Variants in FBXW8 observed in about 807,000 individuals in gnomAD.
The protein encoded by FBXW8 is F-box and WD repeat domain containing 8.
FBXW8 carries 57 observed loss-of-function variants against 65.3 expected under a neutral mutation model. That is an observed-to-expected ratio of 0.87 (90% CI 0.71 to 1.09). The LOEUF is 1.09. Ranked by LOEUF, FBXW8 falls within the 50% of genes least tolerant of loss-of-function variation. FBXW8 has a pLI of 0.00. For synonymous variants in FBXW8, 308 were observed against 330.2 expected, an observed-to-expected ratio of 0.93 and a Z score of 0.73; for missense variants, 777 against 814.8, an observed-to-expected ratio of 0.95 and a Z score of 0.57.
chr12:116,955,440 TTCTC>T (rs1418401798), intron 4 of FBXW8, among the ~76,000 whole-genome samples: 4 of 152,346 alleles, frequency 2.6e-5, no homozygotes, highest in Admixed American at 2.6e-4. Flanking sequence ...TCACCTGTCT[TTCTC>T]TCAAAGTTCA....
At chr12:116,942,181 A>C (rs1411275884) in intron 2 of FBXW8, among the ~76,000 whole-genome samples, 5 of 150,408 alleles carry the variant, frequency 3.3e-5, no homozygotes, top group African/African-American at 1.2e-4. Context: ...GGCACACACC[A>C]TCACATCTGG....
intron 7 of FBXW8, among the ~76,000 whole-genome samples, chr12:116,991,454 A>C (rs1953238850): frequency 1.3e-5 from 2 of 152,196 alleles, no homozygotes; most frequent in South Asian, 4.1e-4. Context: ...GCTGTGCTCT[A>C]ATGTGATGTC....
Position 116,992,875 on chromosome 12 carries a change from C to T in FBXW8, c.1239+4006C>T, listed in dbSNP as rs1953280707. 2.0e-5 allele frequency among the ~76,000 whole-genome samples: 3 copies of T among 151,448 alleles called. No individual in the cohort carries two copies. The South Asian group carries it at 6.3e-4, about 32-fold the overall frequency. On this transcript the variant is annotated intron_variant, in intron 7 of 10. Transcript: ENST00000652555. ...ATCTTTGCAGTTGTGATTTGTCCTG[C>T]AATAAACATATGTGTACAGGTGTCT...
At chr12:116,966,807 C>T (rs1266509181) in intron 5 of FBXW8, among the ~76,000 whole-genome samples, 5 of 151,996 alleles carry the variant, frequency 3.3e-5, no homozygotes, top group African/African-American at 9.7e-5. Context: ...CTCTGCCTCC[C>T]GGGTTCAAGT....
chr12:117,018,989 C>G (rs1240096411), intron 8 of FBXW8, among the ~76,000 whole-genome samples: 2 of 152,244 alleles, frequency 1.3e-5, no homozygotes, highest in East Asian at 3.8e-4. Context: ...CTCCCCCTTT[C>G]CCCAATCCTT....
At chr12:117,023,615 C>T (rs1954152360) in intron 8 of FBXW8, among the ~76,000 whole-genome samples, 1 of 152,244 alleles carries the variant, frequency 6.6e-6, no homozygotes, top group African/African-American at 2.4e-5. Flanking sequence ...CTTATCCCCG[C>T]TCTGCTGTGC....
chr12:116,961,117 TC>T lies in FBXW8; in HGVS notation c.678-3577del, dbSNP rs557079228. 2.2e-4 allele frequency among the ~76,000 whole-genome samples: 33 copies of T among 152,258 alleles called. No individual in the cohort carries two copies. In the East Asian group the frequency reaches 5.8e-3, roughly 27 times the overall value. ...TTCAAGCGATTCTTCTGCCTCAGCC[TC>T]CCAAGTAGGTGGGATTACAGGCACG... On this transcript the variant is annotated intron_variant, in intron 4 of 10. Coordinates refer to ENST00000652555, the MANE Select transcript of FBXW8 (RefSeq NM_153348.3). The surrounding 1 kb of genome is among the most constrained non-coding windows in gnomAD (Gnocchi z 4.4).
At chr12:116,965,419 A>T (rs554815258) in intron 5 of FBXW8, among the ~76,000 whole-genome samples, 1 of 152,316 alleles carries the variant, frequency 6.6e-6, no homozygotes, top group Admixed American at 6.5e-5. Flanking sequence ...AATAGTCTAA[A>T]GTTAGCTTTA....
intron 4 of FBXW8, among the ~76,000 whole-genome samples, chr12:116,956,049 A>T (rs760270723): frequency 2.6e-5 from 4 of 152,206 alleles, no homozygotes; most frequent in Non-Finnish European, 4.4e-5. Context: ...AGGCTAAAGC[A>T]TTCTAGTTGG....
rs533071299 is a variant in FBXW8 at position 117,027,943 on chromosome 12, G to A, written c.1653-85G>A. 21 of 1,564,420 alleles carry A rather than the reference G, an allele frequency of 1.3e-5. No individual in the cohort carries two copies. The African/African-American group carries it at 1.8e-4, about 13-fold the overall frequency. Reference sequence around the variant, plus strand: ...GCTGAACCTCTATCTGGTCTCAGGCGAACGCCTCCTGCACAGACAGAAGCG... The same window carrying A: ...GCTGAACCTCTATCTGGTCTCAGGCAAACGCCTCCTGCACAGACAGAAGCG... On this transcript the variant is annotated intron_variant, in intron 10 of 10. Transcript: ENST00000652555.
chr12:117,021,292 C>A (rs531068795), intron 8 of FBXW8, among the ~76,000 whole-genome samples: 2 of 152,288 alleles, frequency 1.3e-5, no homozygotes, highest in African/African-American at 4.8e-5. Context: ...CTTATCTTTT[C>A]TGTCGATTTA....
intron 2 of FBXW8, among the ~76,000 whole-genome samples, chr12:116,928,957 T>C (rs1881556861): frequency 6.6e-6 from 1 of 151,892 alleles, no homozygotes; most frequent in South Asian, 2.1e-4. Flanking sequence ...ACTGCGGGCA[T>C]GTGCTGCCAT....
intron 8 of FBXW8, among the ~76,000 whole-genome samples, chr12:117,021,092 C>T (rs1236850707): frequency 6.6e-6 from 1 of 152,204 alleles, no homozygotes; most frequent in Non-Finnish European, 1.5e-5. Flanking sequence ...CTAGGAGTAC[C>T]TACCTGTCCA....
At chr12:117,023,366 T>C (rs923227595) in intron 8 of FBXW8, among the ~76,000 whole-genome samples, 38 of 152,312 alleles carry the variant, frequency 2.5e-4, no homozygotes, top group African/African-American at 7.5e-4. Context: ...TCTCTTAAGC[T>C]CATCTTTACA....
intron 7 of FBXW8, among the ~76,000 whole-genome samples, chr12:117,000,024 C>T (rs947071599): frequency 6.6e-6 from 1 of 151,264 alleles, no homozygotes; most frequent in Non-Finnish European, 1.5e-5. Context: ...CGCTGTCTCC[C>T]AGGCTGGAGC....
intron 8 of FBXW8, among the ~76,000 whole-genome samples, chr12:117,023,532 G>A (rs1037685628): frequency 6.6e-6 from 1 of 152,054 alleles, no homozygotes; most frequent in African/African-American, 2.4e-5. Flanking sequence ...TTTTAAAGAG[G>A]TTCTTAAAGA....
chr12:117,002,036 T>C lies in FBXW8; in HGVS notation c.1240-8287T>C, dbSNP rs917939041. Among the ~76,000 whole-genome samples the C allele has an allele frequency of 3.3e-5, 5 of 152,180 alleles. No homozygotes were observed. In the East Asian group the frequency reaches 9.6e-4, roughly 29 times the overall value. On this transcript the variant is annotated intron_variant, in intron 7 of 10. Transcript: ENST00000652555. ...GTTTTTGCCTGGATTTGTACCCGAG[T>C]GTACTCTTGCTCTGTGGGTTCCTTT... is the stretch of plus-strand genomic sequence containing the variant.
chr12:116,926,380 AAAAG>A (rs1881327271), intron 1 of FBXW8, among the ~76,000 whole-genome samples: 2 of 152,180 alleles, frequency 1.3e-5, no homozygotes, highest in Non-Finnish European at 2.9e-5. Context: ...AATAATCCAA[AAAAG>A]AAAGCAGGAG....
chr12:116,929,458 C>T (rs573522513), intron 2 of FBXW8, among the ~76,000 whole-genome samples: 34 of 152,052 alleles, frequency 2.2e-4, no homozygotes, highest in African/African-American at 8.2e-4. Context: ...TGGTCTTGAA[C>T]TCCTGACCTC....
Sources: gnomAD v4.1 joint callset for allele counts (sites outside exome capture counted in the v4.1 genomes callset) on GRCh38, gnomAD v4.1.1 for gene constraint, Gnocchi (gnomAD v3.1) non-coding constraint, MANE v1.5 for transcripts, NCBI Gene and HGNC (gene_info 2026-07-23, HGNC 2026-07-21) for gene names.